Variants in ST18 observed in about 807,000 individuals in gnomAD.
The protein encoded by ST18 is ST18 C2H2C-type zinc finger transcription factor, also known as suppression of tumorigenicity 18 protein.
ST18 carries 50 observed loss-of-function variants against 110.0 expected under a neutral mutation model. The observed-to-expected ratio is 0.45, with a 90% CI of 0.36 to 0.58. The LOEUF (loss-of-function observed/expected upper bound fraction) is 0.58, where lower values mean the gene tolerates loss of function less well. Among genes scored for constraint, ST18 ranks in the 20% least tolerant of loss-of-function variants. The pLI is 0.00. For synonymous variants in ST18, 461 were observed against 452.4 expected, an observed-to-expected ratio of 1.02 and a Z score of -0.24; for missense variants, 1,306 against 1,280.1, an observed-to-expected ratio of 1.02 and a Z score of -0.31.
At chr8:52,129,000 T>C (rs2048156343) in intron 22 of ST18, among the ~76,000 whole-genome samples, 2 of 152,094 alleles carry the variant, frequency 1.3e-5, no homozygotes, top group African/African-American at 4.8e-5. Context: ...AGATTCAAAA[T>C]ATGTAACATA....
At chr8:52,252,703 T>C (rs2094373002) in intron 2 of ST18, among the ~76,000 whole-genome samples, 2 of 152,012 alleles carry the variant, frequency 1.3e-5, no homozygotes, top group South Asian at 4.1e-4. Flanking sequence ...ATCGCTTTTA[T>C]GTGCAACAGT....
intron 2 of ST18, among the ~76,000 whole-genome samples, chr8:52,389,224 C>T (rs1174382504): frequency 1.3e-5 from 2 of 152,132 alleles, no homozygotes; most frequent in African/African-American, 4.8e-5. Flanking sequence ...AAGGGAGCAG[C>T]ACCATCAGAC....
chr8:52,173,666 C>T (rs1424213305), intron 9 of ST18, among the ~76,000 whole-genome samples: 4 of 152,092 alleles, frequency 2.6e-5, no homozygotes, highest in African/African-American at 7.2e-5. Context: ...CTGTGAAGTG[C>T]CTGCAACAGT....
At chr8:52,157,348 TA>T (rs2060293136) in intron 15 of ST18, among the ~76,000 whole-genome samples, 1 of 152,060 alleles carries the variant, frequency 6.6e-6, no homozygotes, top group Non-Finnish European at 1.5e-5. Flanking sequence ...TAGAACCACT[TA>T]CCGTAGTCAT....
At chr8:52,312,657 C>T (rs767652708) in intron 2 of ST18, among the ~76,000 whole-genome samples, 1 of 151,980 alleles carries the variant, frequency 6.6e-6, no homozygotes, top group African/African-American at 2.4e-5. Flanking sequence ...CTTCTCTATC[C>T]CAATCAGAAA....
chr8:52,364,796 A>C (rs1362453302), intron 2 of ST18, among the ~76,000 whole-genome samples: 1 of 152,162 alleles, frequency 6.6e-6, no homozygotes, highest in African/African-American at 2.4e-5. Context: ...TGTGTCTTCA[A>C]GTGTAATTTA....
chr8:52,132,170 C>T lies in ST18; in HGVS notation c.2454G>A (p.Val818=). 1 of 1,611,708 alleles carries T rather than the reference C, an allele frequency of 6.2e-7. No individual in the cohort carries two copies. ...TGTGACCTTGGCCATCACACCCTAT[C>T]ACAGGACATCTAGAGAGAAAGCAGA... ...EKEDPELKCP[V]IGCDGQGHIS... The change falls in exon 22 of 26, where the codon GTG becomes GTA. Residue 818 remains valine (V), a synonymous_variant. Coordinates refer to ENST00000689386, the MANE Select transcript of ST18 (RefSeq NM_001352837.2).
intron 11 of ST18, among the ~76,000 whole-genome samples, chr8:52,166,293 C>T (rs2062958725): frequency 6.6e-6 from 1 of 152,186 alleles, no homozygotes; most frequent in African/African-American, 2.4e-5. Flanking sequence ...AACAACTTTC[C>T]CACAAGCACA....
At chr8:52,222,809 G>A (rs557615982) in intron 3 of ST18, among the ~76,000 whole-genome samples, 1 of 152,242 alleles carries the variant, frequency 6.6e-6, no homozygotes, top group East Asian at 1.9e-4. Flanking sequence ...TGTTATGAGG[G>A]CTAAGGACTT....
intron 2 of ST18, among the ~76,000 whole-genome samples, chr8:52,254,969 G>C (rs1416563160): frequency 6.6e-6 from 1 of 152,150 alleles, no homozygotes; most frequent in Non-Finnish European, 1.5e-5. Flanking sequence ...GAAAAGAAAA[G>C]TGCCTCAAGA....
chr8:52,407,290 G>A (rs992195053), intron 2 of ST18: 6 of 152,012 alleles, frequency 3.9e-5, no homozygotes, highest in Non-Finnish European at 5.9e-5. Context: ...TATTTTCTGT[G>A]GTAATTCTGA....
chr8:52,298,128 A>G (rs2095662082), intron 2 of ST18, among the ~76,000 whole-genome samples: 1 of 152,202 alleles, frequency 6.6e-6, no homozygotes, highest in African/African-American at 2.4e-5. Flanking sequence ...GCCTTCAGCT[A>G]GAGGGGGACC....
chr8:52,284,115 G>A (rs1589605380), intron 2 of ST18, among the ~76,000 whole-genome samples: 2 of 152,168 alleles, frequency 1.3e-5, no homozygotes, highest in Admixed American at 6.5e-5. Flanking sequence ...GCGAGATGAC[G>A]CAAGTGAGAG....
chr8:52,208,952 G>T (rs1370549659), intron 8 of ST18, among the ~76,000 whole-genome samples: 2 of 152,122 alleles, frequency 1.3e-5, no homozygotes, highest in Admixed American at 6.5e-5. Context: ...TATAAGCTGG[G>T]TCTCATTAAA....
chr8:52,317,739 C>A (rs2096057478), intron 2 of ST18, among the ~76,000 whole-genome samples: 1 of 152,154 alleles, frequency 6.6e-6, no homozygotes, highest in Non-Finnish European at 1.5e-5. Context: ...CTATAAATTT[C>A]TCCTTTTGCA....
At chr8:52,216,398 A>G (rs1209493370) in intron 6 of ST18, among the ~76,000 whole-genome samples, 1 of 152,160 alleles carries the variant, frequency 6.6e-6, no homozygotes, top group East Asian at 1.9e-4. Context: ...TAGGATATAG[A>G]TATCCTATAC....
chr8:52,291,574 T>C (rs1480879591), intron 2 of ST18, among the ~76,000 whole-genome samples: 1 of 152,192 alleles, frequency 6.6e-6, no homozygotes, highest in Non-Finnish European at 1.5e-5. Flanking sequence ...GATAAATTCA[T>C]CCACTTTAAA....
At chr8:52,215,610 C>T (rs1262840850) in intron 6 of ST18, among the ~76,000 whole-genome samples, 1 of 152,194 alleles carries the variant, frequency 6.6e-6, no homozygotes, top group Non-Finnish European at 1.5e-5. Context: ...TGTTCACTGC[C>T]TTTGCTGAAC....
At chr8:52,319,635 T>C (rs1803003566) in intron 2 of ST18, among the ~76,000 whole-genome samples, 1 of 152,180 alleles carries the variant, frequency 6.6e-6, no homozygotes, top group Non-Finnish European at 1.5e-5. Flanking sequence ...AAGTTTAGTA[T>C]TATAAAACAA....
Sources: gnomAD v4.1 joint callset for allele counts (sites outside exome capture counted in the v4.1 genomes callset) on GRCh38, gnomAD v4.1.1 for gene constraint, MANE v1.5 for transcripts, NCBI Gene and HGNC (gene_info 2026-07-23, HGNC 2026-07-21) for gene names.